The following KLF12 variants were observed in gnomAD, a reference collection of about 807,000 sequenced individuals.
KLF12 encodes Krueppel-like factor 12.
A neutral mutation model predicts 37.8 loss-of-function variants in KLF12; 9 were observed. That is an observed-to-expected ratio of 0.24 (90% CI 0.14 to 0.42). KLF12 has a LOEUF of 0.42. KLF12 is among the 10% of genes least tolerant of loss of function. The pLI, the probability that KLF12 is intolerant of heterozygous loss-of-function variation, is 1.00. For synonymous variants in KLF12, 208 were observed against 202.1 expected (o/e 1.03, Z -0.25); for missense variants, 411 against 516.0 (o/e 0.80, Z 1.97).
At chr13:73,976,522 A>G (rs550677308) in intron 2 of KLF12, among the ~76,000 whole-genome samples, 1 of 152,168 alleles carries the variant, frequency 6.6e-6, no homozygotes, top group East Asian at 1.9e-4. Flanking sequence ...ACACCATCTC[A>G]TGCTGCCCCA....
the KLF12 span, among the ~76,000 whole-genome samples, chr13:74,184,923 A>G: frequency 1.3e-5 from 2 of 152,254 alleles, no homozygotes; most frequent in Admixed American, 6.5e-5. Context: ...AATGTTCTGC[A>G]GATTGGACAT....
At chr13:73,941,753 T>C (rs1030812452) in intron 3 of KLF12, among the ~76,000 whole-genome samples, 19 of 152,194 alleles carry the variant, frequency 1.2e-4, no homozygotes, top group Admixed American at 9.8e-4. Context: ...ATACATTTCA[T>C]TAAACACTAC....
At chr13:73,976,889 A>G (rs148657279) in intron 2 of KLF12, among the ~76,000 whole-genome samples, 1 of 152,300 alleles carries the variant, frequency 6.6e-6, no homozygotes, top group East Asian at 1.9e-4. Flanking sequence ...CACAAGGAGA[A>G]AGTGACAGAA....
intron 1 of KLF12, among the ~76,000 whole-genome samples, chr13:74,010,167 T>A (rs1333228996): frequency 1.3e-5 from 2 of 152,062 alleles, no homozygotes; most frequent in Non-Finnish European, 2.9e-5. Context: ...GGTCTCAAAC[T>A]CCTGACCTCA....
intron 1 of KLF12, among the ~76,000 whole-genome samples, chr13:74,071,522 TAA>T (rs5804716): frequency 2.0e-4 from 30 of 148,990 alleles, no homozygotes; most frequent in East Asian, 3.9e-4. Flanking sequence ...CCGTCTCTAC[TAA>T]AAAAAAAAAT....
upstream of KLF12, among the ~76,000 whole-genome samples, chr13:74,135,537 G>C (rs1593930220): frequency 6.6e-6 from 1 of 151,504 alleles, no homozygotes; most frequent in Non-Finnish European, 1.5e-5. Context: ...GAGGGCGCGG[G>C]GTCAGCGCCG....
intron 3 of KLF12, among the ~76,000 whole-genome samples, chr13:73,911,668 A>G (rs938692731): frequency 6.6e-6 from 1 of 152,250 alleles, no homozygotes. Flanking sequence ...TAACTGAAGA[A>G]TTACAGATTT....
intron 1 of KLF12, among the ~76,000 whole-genome samples, chr13:74,029,742 G>A (rs888142850): frequency 1.3e-5 from 2 of 151,984 alleles, no homozygotes; most frequent in Non-Finnish European, 2.9e-5. Context: ...AACACCTAAG[G>A]ACCTCCTAGG....
rs777282735 is a variant in KLF12 at position 73,695,673 on chromosome 13, TG to T, written c.1028-3del. 5.6e-6 allele frequency: 9 copies of T among 1,613,496 alleles called. No homozygotes were observed. The East Asian group carries it at 2.0e-4, about 36-fold the overall frequency. ...AGGTACACTTGTAAGGTTTCTCTCCTGGAAGAAACAAAGGAACACAAGCTTT... is the reference window on the plus strand; with the variant it reads ...AGGTACACTTGTAAGGTTTCTCTCCTGAAGAAACAAAGGAACACAAGCTTT... On this transcript the variant is annotated splice_polypyrimidine_tract_variant and splice_region_variant and intron_variant, in intron 7 of 7. Transcript: ENST00000377669.
chr13:74,070,220 C>T (rs1158680390), intron 1 of KLF12, among the ~76,000 whole-genome samples: 1 of 152,136 alleles, frequency 6.6e-6, no homozygotes, highest in Non-Finnish European at 1.5e-5. Flanking sequence ...ACATGAGAGC[C>T]AAGAGAAGAA....
intron 4 of KLF12, among the ~76,000 whole-genome samples, chr13:73,843,621 C>T (rs901825847): frequency 6.6e-6 from 1 of 152,110 alleles, no homozygotes; most frequent in Non-Finnish European, 1.5e-5. Context: ...CATTATGTTC[C>T]TAATCTTCCC....
At chr13:73,952,289 G>T (rs1566479409) in intron 2 of KLF12, among the ~76,000 whole-genome samples, 1 of 152,190 alleles carries the variant, frequency 6.6e-6, no homozygotes, top group Non-Finnish European at 1.5e-5. Flanking sequence ...CACGAAGCAT[G>T]GCTGAGGAGG....
At position 74,067,353 on chromosome 13, in the gene KLF12, C is replaced by T. The variant is rs963040521; in HGVS notation, c.-32+66386G>A. Among the ~76,000 whole-genome samples, 3 of 152,118 alleles carry T rather than the reference C, an allele frequency of 2.0e-5. No homozygotes were observed. The East Asian group carries it at 5.8e-4, about 29-fold the overall frequency. On this transcript the variant is annotated intron_variant, in intron 1 of 7. Transcript: ENST00000377669. ...TATCTTTGGAAACAGATTGCAGGAACTAAATCAAACAATTACCAACTTAAG... is the reference window on the plus strand; with the variant it reads ...TATCTTTGGAAACAGATTGCAGGAATTAAATCAAACAATTACCAACTTAAG...
At chr13:74,087,935 G>A (rs1238051454) in intron 1 of KLF12, among the ~76,000 whole-genome samples, 1 of 152,014 alleles carries the variant, frequency 6.6e-6, no homozygotes, top group Non-Finnish European at 1.5e-5. Flanking sequence ...CTGCACTCAA[G>A]TGCATTCTTA....
At chr13:73,726,239 C>T (rs1288146875) in intron 6 of KLF12, among the ~76,000 whole-genome samples, 1 of 152,202 alleles carries the variant, frequency 6.6e-6, no homozygotes, top group Non-Finnish European at 1.5e-5. Flanking sequence ...ATGTCCAATA[C>T]ATCCCCAGCA....
chr13:73,999,700 G>A (rs916411792), intron 1 of KLF12, among the ~76,000 whole-genome samples: 9 of 152,022 alleles, frequency 5.9e-5, no homozygotes, highest in Non-Finnish European at 1.0e-4. Flanking sequence ...AGATCGCTCC[G>A]CTACACTCCA....
the KLF12 span, among the ~76,000 whole-genome samples, chr13:74,150,221 A>G: frequency 2.6e-5 from 4 of 152,176 alleles, no homozygotes; most frequent in African/African-American, 9.7e-5. Flanking sequence ...ATTATTGCTG[A>G]ATGAATTAGT....
intron 5 of KLF12, chr13:73,800,772 GATAAA>G (rs1353254127): frequency 6.6e-6 from 1 of 151,956 alleles, no homozygotes; most frequent in Non-Finnish European, 1.5e-5. Flanking sequence ...CATAAGTACA[GATAAA>G]ATAATATTAA....
At chr13:74,068,555 TTTC>T (rs1341921731) in intron 1 of KLF12, among the ~76,000 whole-genome samples, 18 of 122,084 alleles carry the variant, frequency 1.5e-4, no homozygotes, top group Non-Finnish European at 1.7e-5. Context: ...ATAAAATTTT[TTTC>T]TTTTTTTTTT....
Sources: allele counts gnomAD v4.1 joint callset (sites outside exome capture counted in the v4.1 genomes callset), GRCh38; gene constraint gnomAD v4.1.1; transcripts MANE v1.5; gene names NCBI Gene and HGNC (gene_info 2026-07-23, HGNC 2026-07-21).